TSGA10: variants seen among roughly 807,000 people sequenced by gnomAD.
TSGA10 encodes testis specific 10.
In TSGA10, 43 loss-of-function variants were observed where a neutral mutation model predicts 96.6. The ratio of observed to expected loss-of-function variants is 0.44; its 90% confidence interval spans 0.35 to 0.57. The LOEUF is 0.57. Ranked by LOEUF, TSGA10 falls within the 20% of genes least tolerant of loss-of-function variation. The pLI is 0.01. For synonymous variants in TSGA10, 229 were observed against 269.9 expected (o/e 0.85, Z 1.48); for missense variants, 703 against 834.4 (o/e 0.84, Z 1.94).
intron 13 of TSGA10, 78 bp from the exon 14 acceptor site, chr2:99,071,952 T>G: frequency 1.5e-6 from 2 of 1,298,328 alleles, no homozygotes; most frequent in South Asian, 2.8e-5. Context: ...AGACAGAAGA[T>G]GGACAGTTAG....
intron 18 of TSGA10, among the ~76,000 whole-genome samples, chr2:99,019,064 G>A (rs1310747897): frequency 6.6e-6 from 1 of 152,060 alleles, no homozygotes; most frequent in Non-Finnish European, 1.5e-5. Flanking sequence ...TCAACCAAGT[G>A]CCTTATAATG....
At chr2:99,035,956 C>T (rs1294769932) in intron 16 of TSGA10, among the ~76,000 whole-genome samples, 1 of 151,874 alleles carries the variant, frequency 6.6e-6, no homozygotes, top group East Asian at 1.9e-4. Context: ...GGGAAAGAGA[C>T]TAAGGGCAAG....
intron 10 of TSGA10, among the ~76,000 whole-genome samples, chr2:99,100,848 G>C (rs1243514370): frequency 1.4e-5 from 2 of 143,696 alleles, no homozygotes; most frequent in Non-Finnish European, 1.5e-5. Context: ...ATACACTCCT[G>C]GTAAATTACA....
intron 1 of TSGA10, among the ~76,000 whole-genome samples, chr2:99,134,329 T>C (rs576537050): frequency 9.2e-5 from 14 of 152,290 alleles, no homozygotes; most frequent in African/African-American, 2.9e-4. Flanking sequence ...TTTCATTAAG[T>C]TGATCTTCAA....
At chr2:99,013,867 T>G (rs1418727945) in intron 20 of TSGA10, among the ~76,000 whole-genome samples, 3 of 149,994 alleles carry the variant, frequency 2.0e-5, no homozygotes, top group Non-Finnish European at 4.4e-5. Context: ...AATACAAAAA[T>G]TAAGGCTGGG....
intron 16 of TSGA10, among the ~76,000 whole-genome samples, chr2:99,060,926 C>CA: frequency 6.6e-6 from 1 of 152,166 alleles, no homozygotes; most frequent in South Asian, 2.1e-4. Context: ...AGTATTAATT[C>CA]AATTGTAGCA....
chr2:99,142,979 T>C (rs1000789496), intron 1 of TSGA10, among the ~76,000 whole-genome samples: 16 of 151,968 alleles, frequency 1.1e-4, no homozygotes, highest in African/African-American at 3.1e-4. Flanking sequence ...TATAAGGAAA[T>C]GATCATTTTA....
intron 12 of TSGA10, among the ~76,000 whole-genome samples, chr2:99,075,356 T>C (rs921356784): frequency 6.6e-5 from 10 of 152,200 alleles, no homozygotes; most frequent in Non-Finnish European, 5.9e-5. Flanking sequence ...TAAGTATATT[T>C]AGAAAAAATA....
At chr2:99,064,516 A>C (rs2085048272) in intron 16 of TSGA10, among the ~76,000 whole-genome samples, 1 of 152,234 alleles carries the variant, frequency 6.6e-6, no homozygotes, top group Admixed American at 6.5e-5. Context: ...GGAGTTAGAC[A>C]CACTGACAGG....
At chr2:99,018,424 C>T (rs2079723134) in intron 19 of TSGA10, 75 bp from the exon 20 acceptor site, 1 of 1,579,426 alleles carries the variant, frequency 6.3e-7, no homozygotes, top group Non-Finnish European at 8.6e-7. Context: ...TAGCTCAATT[C>T]ATACTTGAAA....
intron 4 of TSGA10, among the ~76,000 whole-genome samples, chr2:99,116,908 A>G (rs2092302020): frequency 6.6e-6 from 1 of 152,160 alleles, no homozygotes; most frequent in African/African-American, 2.4e-5. Context: ...TCTTTCAGCT[A>G]TTTTTAAATA....
chr2:99,026,624 C>T (rs781034614), intron 17 of TSGA10, among the ~76,000 whole-genome samples: 6 of 151,950 alleles, frequency 3.9e-5, no homozygotes, highest in Admixed American at 6.6e-5. Flanking sequence ...AGGGTTTCAC[C>T]GTGTTAGCCA....
At chr2:99,016,644 G>A (rs983400425) in intron 20 of TSGA10, among the ~76,000 whole-genome samples, 1 of 152,090 alleles carries the variant, frequency 6.6e-6, no homozygotes, top group Non-Finnish European at 1.5e-5. Flanking sequence ...ATAAATAGAT[G>A]GGACTTAATT....
intron 16 of TSGA10, among the ~76,000 whole-genome samples, chr2:99,056,723 T>C (rs973424329): frequency 6.6e-6 from 1 of 151,394 alleles, no homozygotes; most frequent in Non-Finnish European, 1.5e-5. Context: ...TCTAACTCAT[T>C]CTATGAGGCC....
At chr2:99,095,876 T>C (rs2089983074) in intron 10 of TSGA10, among the ~76,000 whole-genome samples, 1 of 152,160 alleles carries the variant, frequency 6.6e-6, no homozygotes, top group Admixed American at 6.5e-5. Flanking sequence ...CCTGACCTCG[T>C]GATTCACCAG....
chr2:99,029,887 T>C (rs1174914100), intron 17 of TSGA10, among the ~76,000 whole-genome samples: 1 of 152,156 alleles, frequency 6.6e-6, no homozygotes, highest in Non-Finnish European at 1.5e-5. Context: ...TACGAAACAG[T>C]GCAAGAAGGC....
chr2:99,076,062 C>G (rs2104552383), intron 12 of TSGA10, among the ~76,000 whole-genome samples: 1 of 152,170 alleles, frequency 6.6e-6, no homozygotes, highest in Non-Finnish European at 1.5e-5. Flanking sequence ...AATTTTCCTC[C>G]AAACCTAAAA....
At chr2:99,036,268 CT>C (rs1022713108) in intron 16 of TSGA10, among the ~76,000 whole-genome samples, 4 of 152,184 alleles carry the variant, frequency 2.6e-5, no homozygotes, top group Non-Finnish European at 5.9e-5. Flanking sequence ...CTCCTACTTT[CT>C]CTCTATCTCT....
chr2:99,013,087 GT>G (rs1204454790), intron 20 of TSGA10, among the ~76,000 whole-genome samples: 2 of 151,848 alleles, frequency 1.3e-5, no homozygotes, highest in Non-Finnish European at 2.9e-5. Flanking sequence ...GTTTGTTCTT[GT>G]TTCTCTAGTT....
Sources: gnomAD v4.1 joint callset for allele counts (sites outside exome capture counted in the v4.1 genomes callset) on GRCh38, gnomAD v4.1.1 for gene constraint, MANE v1.5 for transcripts, NCBI Gene and HGNC (gene_info 2026-07-23, HGNC 2026-07-21) for gene names.